Variants in SOX5 observed in about 807,000 individuals in gnomAD.
SOX5 encodes transcription factor SOX-5.
In SOX5, 9 loss-of-function variants were observed where a neutral mutation model predicts 92.0. That is an observed-to-expected ratio of 0.10 (90% CI 0.06 to 0.17). The LOEUF is 0.17. Ranked by LOEUF, SOX5 falls within the 10% of genes least tolerant of loss-of-function variation. SOX5 has a pLI of 1.00. For synonymous variants in SOX5, 344 were observed against 336.3 expected (o/e 1.02, Z -0.25); for missense variants, 642 against 944.5 (o/e 0.68, Z 4.20).
chr12:23,547,403 T>C (rs1943344373), intron 11 of SOX5, among the ~76,000 whole-genome samples: 1 of 152,088 alleles, frequency 6.6e-6, no homozygotes, highest in Non-Finnish European at 1.5e-5. Context: ...CTGAGGAACA[T>C]AGTCATGAAT....
At chr12:23,608,736 G>A (rs1422754601) in intron 8 of SOX5, among the ~76,000 whole-genome samples, 3 of 152,148 alleles carry the variant, frequency 2.0e-5, no homozygotes, top group Middle Eastern at 3.2e-3. Flanking sequence ...AAGGTACTGT[G>A]AGAAATGAAT....
chr12:23,587,571 T>C (rs897192848), intron 9 of SOX5, among the ~76,000 whole-genome samples: 6 of 152,120 alleles, frequency 3.9e-5, no homozygotes, highest in Admixed American at 6.6e-5. Flanking sequence ...AATGTTCAAT[T>C]TGAGTAATAC....
At chr12:23,901,288 T>C (rs2097229353) in intron 1 of SOX5, among the ~76,000 whole-genome samples, 1 of 152,082 alleles carries the variant, frequency 6.6e-6, no homozygotes, top group African/African-American at 2.4e-5. Flanking sequence ...GAACAGATCC[T>C]CTCCTAGAGC....
At chr12:24,427,643 G>T (rs140939458) in intron 1 of SOX5, among the ~76,000 whole-genome samples, 3 of 152,284 alleles carry the variant, frequency 2.0e-5, no homozygotes, top group Admixed American at 2.0e-4. Context: ...TCTAAAAATG[G>T]CAACATTAAA....
intron 8 of SOX5, among the ~76,000 whole-genome samples, chr12:23,630,593 T>A (rs1338230417): frequency 6.6e-6 from 1 of 152,032 alleles, no homozygotes. Context: ...CTAATACTAT[T>A]AAATATTAAC....
intron 9 of SOX5, among the ~76,000 whole-genome samples, chr12:23,583,952 A>T (rs902835860): frequency 1.3e-5 from 2 of 152,142 alleles, no homozygotes; most frequent in Non-Finnish European, 2.9e-5. Flanking sequence ...AAAAAGTAAA[A>T]CAGGAGCTCA....
intron 2 of SOX5, among the ~76,000 whole-genome samples, chr12:24,343,957 C>T (rs1419435382): frequency 1.3e-5 from 2 of 152,030 alleles, no homozygotes; most frequent in Non-Finnish European, 2.9e-5. Context: ...AATGTAGGGA[C>T]TTGAGAATAA....
intron 4 of SOX5, among the ~76,000 whole-genome samples, chr12:24,134,208 AT>A (rs556612541): frequency 2.0e-5 from 3 of 152,158 alleles, no homozygotes; most frequent in African/African-American, 7.2e-5. Flanking sequence ...AAAATAATAA[AT>A]TTTTAAGGGT....
intron 8 of SOX5, among the ~76,000 whole-genome samples, chr12:23,628,811 T>A (rs575106227): frequency 4.6e-5 from 7 of 151,856 alleles, no homozygotes; most frequent in African/African-American, 1.7e-4. Flanking sequence ...TTTTTTTTTT[T>A]ATTTTTATTT....
chr12:24,231,061 A>G (rs1016712988), intron 3 of SOX5, among the ~76,000 whole-genome samples: 2 of 152,198 alleles, frequency 1.3e-5, no homozygotes, highest in African/African-American at 4.8e-5. Flanking sequence ...CAATAGGATT[A>G]AGAGAAGAAA....
chr12:23,744,594 T>G (rs2093918378), intron 4 of SOX5, among the ~76,000 whole-genome samples: 1 of 152,200 alleles, frequency 6.6e-6, no homozygotes, highest in Non-Finnish European at 1.5e-5. Flanking sequence ...CCTTTAATTT[T>G]AATGAAAATT....
intron 1 of SOX5, among the ~76,000 whole-genome samples, chr12:24,476,793 T>C (rs1408091197): frequency 6.6e-6 from 1 of 152,136 alleles, no homozygotes; most frequent in Non-Finnish European, 1.5e-5. Flanking sequence ...AAAGGTTTAC[T>C]GCAAAAATAA....
rs553584468 is a variant in SOX5, at chr12:24,182,197, A to G, written c.-2+31146T>C. ...ATAAATACTTTCCAAAAGGACAAAAAGACATTATTAGTAGGCCACAGCAAA... is the reference window on the plus strand; with the variant it reads ...ATAAATACTTTCCAAAAGGACAAAAGGACATTATTAGTAGGCCACAGCAAA... On this transcript the variant is annotated intron_variant, in intron 4 of 4. Coordinates refer to the SOX5 transcript ENST00000446891. 2.0e-5 allele frequency among the ~76,000 whole-genome samples: 3 copies of G among 152,346 alleles called. No individual in the cohort carries two copies. In the East Asian group the frequency reaches 5.8e-4, roughly 29 times the overall value.
chr12:24,431,529 G>A (rs1413194186), intron 1 of SOX5, among the ~76,000 whole-genome samples: 2 of 152,088 alleles, frequency 1.3e-5, no homozygotes, highest in South Asian at 2.1e-4. Context: ...AAGTTTCCTT[G>A]TATTATTTTG....
intron 1 of SOX5, among the ~76,000 whole-genome samples, chr12:24,560,263 C>A (rs1954205302): frequency 6.6e-6 from 1 of 152,172 alleles, no homozygotes; most frequent in South Asian, 2.1e-4. Context: ...TCCCTTCCCA[C>A]CCCCACAATT....
rs373903121 is a variant in SOX5, at chr12:23,589,687, TTAAATAA to T, written c.1165-13856_1165-13850del. Among the ~76,000 whole-genome samples the T allele has an allele frequency of 6.8e-3, 1,034 of 152,108 alleles. 13 individuals are homozygous for T. Among genetic ancestry groups the T allele is most frequent in the African/African-American group, 0.024 (986 of 41,564 alleles). On this transcript the variant is annotated intron_variant, in intron 9 of 14. Coordinates refer to ENST00000451604, the MANE Select transcript of SOX5 (RefSeq NM_006940.6). Reference sequence around the variant, plus strand: ...AGTATATTTCACCTAGACTGACAGGTTAAATAAGAACAAATCTTACTTTTAAATTTCA... The same window carrying T: ...AGTATATTTCACCTAGACTGACAGGTGAACAAATCTTACTTTTAAATTTCA...
At chr12:24,497,312 A>T (rs988445333) in intron 1 of SOX5, among the ~76,000 whole-genome samples, 1 of 152,242 alleles carries the variant, frequency 6.6e-6, no homozygotes, top group Non-Finnish European at 1.5e-5. Flanking sequence ...TTTTTAAAAA[A>T]GTATGTTCCT....
rs1162999523 is a variant in SOX5, at chr12:24,118,018, C to G, written c.-2+95325G>C. On this transcript the variant is annotated intron_variant, in intron 4 of 4. Coordinates refer to the SOX5 transcript ENST00000446891. The stretch of plus-strand genomic sequence containing the variant: ...TGGGGAACAGAGCGAGACTCTCATT[C>G]AAAAAAAAAAAAAAAAAAAAGAAAA... 7.2e-5 allele frequency among the ~76,000 whole-genome samples: 3 copies of G among 41,822 alleles called. No individual in the cohort carries two copies. The South Asian group carries it at 2.6e-3, about 36-fold the overall frequency. The allele number at this position is 41,822 out of a possible 152,430, so 27.4% of individuals were successfully genotyped here.
intron 4 of SOX5, among the ~76,000 whole-genome samples, chr12:23,958,919 C>T (rs1946580707): frequency 6.6e-6 from 1 of 151,680 alleles, no homozygotes; most frequent in South Asian, 2.1e-4. Flanking sequence ...TATATGATAA[C>T]ACCTAGTCAT....
Sources: allele counts gnomAD v4.1 joint callset (sites outside exome capture counted in the v4.1 genomes callset), GRCh38; gene constraint gnomAD v4.1.1; transcripts MANE v1.5; gene names NCBI Gene and HGNC (gene_info 2026-07-23, HGNC 2026-07-21).